RASIP1: variants seen among roughly 807,000 people sequenced by gnomAD.
RASIP1 encodes the protein ras-interacting protein 1.
In RASIP1, 20 loss-of-function variants were observed where a neutral mutation model predicts 85.3. That is an observed-to-expected ratio of 0.23 (90% CI 0.17 to 0.34). The LOEUF (loss-of-function observed/expected upper bound fraction) is 0.34, where lower values mean the gene tolerates loss of function less well. Among genes scored for constraint, RASIP1 ranks in the 10% least tolerant of loss-of-function variants. The pLI is 1.00. For missense variants in RASIP1, 1,170 were observed against 1,390.9 expected, an observed-to-expected ratio of 0.84 and a Z score of 2.53; for synonymous variants, 617 against 647.1, an observed-to-expected ratio of 0.95 and a Z score of 0.71.
In RASIP1 at chr19:48,724,570, A is replaced by G; in HGVS notation, c.2372-61T>C. 1 of 1,583,824 alleles carries G rather than the reference A, an allele frequency of 6.3e-7. No individual in the cohort carries two copies. Among genetic ancestry groups the G allele is most frequent in the Non-Finnish European group, 8.6e-7 (1 of 1,159,978 alleles). On this transcript the variant is annotated intron_variant, in intron 9 of 11. Coordinates refer to ENST00000222145, the MANE Select transcript of RASIP1 (RefSeq NM_017805.3). This position sits in a 1 kb window ranked among gnomAD's most constrained non-coding sequence, Gnocchi z 4.6. Reference sequence around the variant, plus strand: ...GCTGGACTCTGTGCTCCTGCCTCCCAGACTCTTCCTATCCTTCAGCCTGGG... The same window carrying G: ...GCTGGACTCTGTGCTCCTGCCTCCCGGACTCTTCCTATCCTTCAGCCTGGG...
rs757657219 is a variant in RASIP1, at chr19:48,720,843, C to CA, written c.2846dup (p.Pro950AlafsTer26). 5.0e-6 allele frequency: 8 copies of CA among 1,613,908 alleles called. No homozygotes were observed. Among genetic ancestry groups the CA allele is most frequent in the Non-Finnish European group, 6.8e-6 (8 of 1,180,030 alleles). On this transcript the variant is annotated frameshift_variant, in exon 12 of 12. Coordinates refer to ENST00000222145, the MANE Select transcript of RASIP1 (RefSeq NM_017805.3). LOFTEE classifies it high-confidence loss of function. Reference sequence around the variant, plus strand: ...GAGGCCCATGGCGATAATTGGCTGGCAGCTCCTGCTGCTCAAGATCCCAGA... The same window carrying CA: ...GAGGCCCATGGCGATAATTGGCTGGCAAGCTCCTGCTGCTCAAGATCCCAGA...
chr19:48,727,514 C>T, intron 5 of RASIP1, 84 bp from the exon 6 acceptor site: 1 of 1,419,698 alleles, frequency 7.0e-7, no homozygotes. Flanking sequence ...TATAGAAGCA[C>T]AACTCTCATA....
rs142687046 is a variant in RASIP1, at chr19:48,720,850, T to C, written c.2840A>G (p.Gln947Arg). The C allele has an allele frequency of 9.4e-4, 1,514 of 1,614,036 alleles. 1 individual carries two copies. Among genetic ancestry groups the C allele is most frequent in the Non-Finnish European group, 1.2e-3 (1,472 of 1,180,018 alleles). Residue 947 changes from glutamine to arginine, a missense_variant, in exon 12 of 12, where the codon CAG becomes CGG. Physicochemically the swap from Gln to Arg is conservative, Grantham distance 43 (BLOSUM62 1). Coordinates refer to ENST00000222145, the MANE Select transcript of RASIP1 (RefSeq NM_017805.3). ...LRRLLWDLEQQELPANYRHGP... is the reference protein window; with the variant it reads ...LRRLLWDLEQRELPANYRHGP... ...ATGGCGATAATTGGCTGGCAGCTCCTGCTGCTCAAGATCCCAGAGGAGGCG... is the reference window on the plus strand; with the variant it reads ...ATGGCGATAATTGGCTGGCAGCTCCCGCTGCTCAAGATCCCAGAGGAGGCG...
At chr19:48,723,378 G>T (rs1193873026) in intron 10 of RASIP1, among the ~76,000 whole-genome samples, 1 of 152,074 alleles carries the variant, frequency 6.6e-6, no homozygotes, top group African/African-American at 2.4e-5. Flanking sequence ...TGCCCAACAA[G>T]GTGAAACCCT....
chr19:48,739,209 C>CACCGCCGGGGCT lies in RASIP1; in HGVS notation c.562_573dup (p.Ser188_Gly191dup). On this transcript the variant is annotated inframe_insertion, in exon 3 of 12. Transcript: ENST00000222145. This position sits in a 1 kb window ranked among gnomAD's most constrained non-coding sequence, Gnocchi z 9.2. ...TCCACGCAGCTGCTCTCGCCGGGGC[C>CACCGCCGGGGCT]ACCGCCGGGGCTGCCTGCTAGGCCG... 6.8e-7 allele frequency: 1 copy of CACCGCCGGGGCT among 1,480,322 alleles called. No homozygotes were observed. The highest frequency in any genetic ancestry group is 8.9e-7 in the Non-Finnish European group (1 of 1,122,630). The allele number at this position is 1,480,322 out of a possible 1,614,324, so 91.7% of individuals were successfully genotyped here. A position where few individuals can be genotyped will look rare whatever the true frequency, so the allele number is the denominator to read the frequency against.
chr19:48,722,797 T>C (rs2122415927), intron 10 of RASIP1, among the ~76,000 whole-genome samples: 1 of 152,314 alleles, frequency 6.6e-6, no homozygotes, highest in East Asian at 1.9e-4. Flanking sequence ...GAACAGGAAC[T>C]ATCTAATAGA....
chr19:48,739,417 C>T lies in RASIP1; in HGVS notation c.366G>A (p.Lys122=), dbSNP rs771794025. The change falls in exon 3 of 12, where the codon AAG becomes AAA. Residue 122 remains lysine (K), a synonymous_variant. Transcript: ENST00000222145. This position sits in a 1 kb window ranked among gnomAD's most constrained non-coding sequence, Gnocchi z 9.2. ...PGGAQRWASE[K]KLPELAAGVA... ...CGCCCGCCGCCAGCTCCGGCAGCTT[C>T]TTCTCGCTGGCCCAGCGCTGCGCGC... The T allele has an allele frequency of 1.0e-3, 1,405 of 1,394,784 alleles. 3 individuals are homozygous for T. The highest frequency in any genetic ancestry group is 1.2e-3 in the Non-Finnish European group (1,298 of 1,079,352). The allele number at this position is 1,394,784 out of a possible 1,614,324, so 86.4% of individuals were successfully genotyped here. A position where few individuals can be genotyped will look rare whatever the true frequency, so the allele number is the denominator to read the frequency against.
Position 48,735,301 on chromosome 19 carries a change from G to T in RASIP1, c.1074C>A (p.Ile358=). Residue 358 remains isoleucine, a synonymous_variant, in exon 4 of 12, where the codon ATC becomes ATA. Coordinates refer to ENST00000222145, the MANE Select transcript of RASIP1 (RefSeq NM_017805.3). ...SMAPGAADAQ[I]GTADPGDFDQ... ...CGAAGTCCCCGGGGTCTGCAGTTCC[G>T]ATTTGGGCGTCGGCTGCCCCTGGGG... 1.2e-6 allele frequency: 2 copies of T among 1,613,990 alleles called. No individual in the cohort carries two copies. The highest frequency in any genetic ancestry group is 1.1e-5 in the South Asian group (1 of 91,072).
rs1033880925 is a variant in RASIP1 at position 48,729,181 on chromosome 19, C to A, written c.1589G>T (p.Arg530Leu). The change falls in exon 5 of 12, where the codon CGC becomes CTC. Residue 530 changes from arginine (R) to leucine (L), a missense_variant. By Grantham distance (102) the Arg-to-Leu change is moderately radical. Around this residue, in one of 4 missense-constraint regions of RASIP1, gnomAD observed 426 missense variants for 576.2 expected, o/e 0.74. Transcript: ENST00000222145. ...CRLCGRGLQERGEALAAYLDG... is the reference protein window; with the variant it reads ...CRLCGRGLQELGEALAAYLDG... ...CAGGTAGGCGGCCAGTGCCTCGCCG[C>A]GCTCCTGCAGGCCGCGGCCGCACAG... The A allele has an allele frequency of 8.4e-5, 108 of 1,284,856 alleles. No individual in the cohort carries two copies. Among genetic ancestry groups the A allele is most frequent in the Non-Finnish European group, 1.0e-4 (105 of 1,013,582 alleles). The allele number at this position is 1,284,856 out of a possible 1,614,324, so 79.6% of individuals were successfully genotyped here.
rs555301583 is a variant in RASIP1, at chr19:48,739,900, A to G, written c.137+246T>C. Reference sequence around the variant, plus strand: ...GCAGGGAGGGGAGGAAGGAAGGTGAATCAATCCCCCTGCTCCTTCTGTCCC... The same window carrying G: ...GCAGGGAGGGGAGGAAGGAAGGTGAGTCAATCCCCCTGCTCCTTCTGTCCC... On this transcript the variant is annotated intron_variant, in intron 2 of 11. Coordinates refer to ENST00000222145, the MANE Select transcript of RASIP1 (RefSeq NM_017805.3). The surrounding 1 kb of genome is among the most constrained non-coding windows in gnomAD (Gnocchi z 9.2). Among the ~76,000 whole-genome samples the G allele has an allele frequency of 7.9e-5, 12 of 151,876 alleles. No individual in the cohort carries two copies. The highest frequency in any genetic ancestry group is 1.2e-4 in the African/African-American group (5 of 41,416).
intron 4 of RASIP1, 112 bp from the exon 5 acceptor site, chr19:48,729,702 T>A: frequency 1.5e-6 from 1 of 657,390 alleles, no homozygotes; most frequent in Non-Finnish European, 2.4e-6. Context: ...TTTTTTTCCT[T>A]CTTCTTCTTT....
chr19:48,727,376 C>G lies in RASIP1; in HGVS notation c.1871+17G>C. The G allele has an allele frequency of 6.2e-7, 1 of 1,613,202 alleles. No individual in the cohort carries two copies. Among genetic ancestry groups the G allele is most frequent in the Non-Finnish European group, 8.5e-7 (1 of 1,179,184 alleles). The stretch of plus-strand genomic sequence containing the variant: ...CCCTGCATCCCTCCAGACCACTCTG[C>G]TCAGAATTTCTCTTACTTTTCTGGC... On this transcript the variant is annotated intron_variant, in intron 6 of 11. Transcript: ENST00000222145.
rs778090175 is a variant in RASIP1 at position 48,729,581 on chromosome 19, C to T, written c.1189G>A (p.Val397Met). 1.9e-6 allele frequency: 3 copies of T among 1,595,876 alleles called. No individual in the cohort carries two copies. Among genetic ancestry groups the T allele is most frequent in the Non-Finnish European group, 2.6e-6 (3 of 1,171,662 alleles). Residue 397 changes from valine (V) to methionine (M), a missense_variant, in exon 5 of 12, where the codon GTG (valine) becomes ATG (methionine). Physicochemically the swap from Val to Met is conservative, Grantham distance 21 (BLOSUM62 1). Transcript: ENST00000222145. ...QGYQDAQDFV[V>M]YVMTREQHVF... The stretch of plus-strand genomic sequence containing the variant: ...TGCTGCTCTCGCGTCATCACATACA[C>T]CACAAAGTCCTGGAGGGGAAACGAG...
intron 4 of RASIP1, 53 bp downstream of exon 4, chr19:48,735,140 CCCA>C: frequency 6.8e-7 from 1 of 1,476,260 alleles, no homozygotes; most frequent in Non-Finnish European, 9.2e-7. Context: ...TTGTTGCTCA[CCCA>C]CCAACAGATG....
intron 10 of RASIP1, among the ~76,000 whole-genome samples, chr19:48,723,282 G>A (rs1256622521): frequency 6.6e-6 from 1 of 152,072 alleles, no homozygotes. Context: ...GAAATTGGCC[G>A]GCCATGGTGG....
In RASIP1 at chr19:48,738,770, TG is replaced by T; in HGVS notation, c.823+189del. The T allele has an allele frequency of 1.4e-6, 1 of 708,948 alleles. No individual in the cohort carries two copies. The highest frequency in any genetic ancestry group is 1.9e-6 in the Non-Finnish European group (1 of 527,232). 43.9% of individuals were successfully genotyped at this position (708,948 alleles called of 1,614,324 possible). ...CACCCAACTCTCAGGCCCGCCCATC[TG>T]GCCGCCCCCGGCCCTGCTCTAGCTC... is the stretch of plus-strand genomic sequence containing the variant. On this transcript the variant is annotated intron_variant, in intron 3 of 11. Transcript: ENST00000222145. The surrounding 1 kb of genome is among the most constrained non-coding windows in gnomAD (Gnocchi z 4.0).
At chr19:48,723,227 A>G (rs1409530861) in intron 10 of RASIP1, among the ~76,000 whole-genome samples, 1 of 152,124 alleles carries the variant, frequency 6.6e-6, no homozygotes, top group Non-Finnish European at 1.5e-5. Context: ...GTCTATGGGG[A>G]ACAGTTTTTG....
At position 48,734,491 on chromosome 19, in the gene RASIP1, T is replaced by TA. The variant is rs199898120; in HGVS notation, c.1179+704_1179+705insT. Among the ~76,000 whole-genome samples, 2 of 131,960 alleles carry TA rather than the reference T, an allele frequency of 1.5e-5. 1 individual carries two copies. Among genetic ancestry groups the TA allele is most frequent in the Non-Finnish European group, 3.2e-5 (2 of 62,424 alleles). The allele number at this position is 131,960 out of a possible 152,430, so 86.6% of individuals were successfully genotyped here. A position where few individuals can be genotyped will look rare whatever the true frequency, so the allele number is the denominator to read the frequency against. Reference sequence around the variant, plus strand: ...ACCACGCCCGGCTTTTTTTTCTTTCTTTTTTTTTTTTTTTGAGACAGAGTC... The same window carrying TA: ...ACCACGCCCGGCTTTTTTTTCTTTCTATTTTTTTTTTTTTTGAGACAGAGTC... On this transcript the variant is annotated intron_variant, in intron 4 of 11. Coordinates refer to ENST00000222145, the MANE Select transcript of RASIP1 (RefSeq NM_017805.3).
At chr19:48,735,585 T>G (rs1451512814) in intron 3 of RASIP1, 34 bp from the exon 4 acceptor site, 1 of 1,486,104 alleles carries the variant, frequency 6.7e-7, no homozygotes, top group East Asian at 2.5e-5. Context: ...AGGCTGAGCC[T>G]GGAAAGACAG....
Sources: allele counts gnomAD v4.1 joint callset (sites outside exome capture counted in the v4.1 genomes callset), GRCh38; gene constraint gnomAD v4.1.1; regional missense constraint gnomAD v4.1.1; non-coding constraint Gnocchi (gnomAD v3.1); transcripts MANE v1.5; gene names NCBI Gene and HGNC (gene_info 2026-07-23, HGNC 2026-07-21).